SYNE1: variants seen among roughly 807,000 people sequenced by gnomAD.
SYNE1 encodes spectrin repeat containing nuclear envelope protein 1.
Under a neutral mutation model 1,111.0 loss-of-function variants are expected in SYNE1, and 616 were observed. That is an observed-to-expected ratio of 0.55 (90% confidence interval 0.52 to 0.59). The LOEUF is 0.59. Ranked by LOEUF, SYNE1 falls within the 20% of genes least tolerant of loss-of-function variation. SYNE1 has a pLI of 0.00. For missense variants in SYNE1, 10,006 were observed against 10,417.0 expected (o/e 0.96, Z 1.72); for synonymous variants, 3,855 against 3,825.8 (o/e 1.01, Z -0.28).
chr6:152,249,833 G>T (rs1289060711), intron 104 of SYNE1, among the ~76,000 whole-genome samples: 2 of 151,936 alleles, frequency 1.3e-5, no homozygotes, highest in African/African-American at 2.4e-5. Flanking sequence ...GATCTTGTTA[G>T]GTATTTTGTT....
At chr6:152,303,025 T>C (rs951790409) in intron 91 of SYNE1, among the ~76,000 whole-genome samples, 5 of 151,932 alleles carry the variant, frequency 3.3e-5, no homozygotes, top group Non-Finnish European at 5.9e-5. Context: ...ATTAAAATTA[T>C]ACTTTATTGC....
intron 3 of SYNE1, among the ~76,000 whole-genome samples, chr6:152,627,244 G>A (rs2099687548): frequency 6.6e-6 from 1 of 152,152 alleles, no homozygotes. Context: ...AACTACAGGT[G>A]ATAATTATAT....
At chr6:152,345,577 AT>A (rs35360932) in intron 73 of SYNE1, among the ~76,000 whole-genome samples, 85,250 of 149,964 alleles carry the variant, frequency 0.57, 24,484 homozygotes, top group East Asian at 0.64. Context: ...TTGAAGGTGA[AT>A]TTTTTTTTTT....
chr6:152,381,871 G>A (rs887476646), intron 55 of SYNE1, among the ~76,000 whole-genome samples: 1 of 152,108 alleles, frequency 6.6e-6, no homozygotes, highest in African/African-American at 2.4e-5. Flanking sequence ...AGCCCTACTC[G>A]ATTCCAAATA....
At chr6:152,179,576 A>G (rs1016186410) in intron 129 of SYNE1, 1 of 151,184 alleles carries the variant, frequency 6.6e-6, no homozygotes, top group African/African-American at 2.4e-5. Flanking sequence ...ACTGAACTGA[A>G]TAGTAGATGC....
chr6:152,559,186 C>G (rs4470858), intron 3 of SYNE1, among the ~76,000 whole-genome samples: 21,258 of 140,454 alleles, frequency 0.15, 1,957 homozygotes, highest in Admixed American at 0.24. Context: ...CCTAGAACTC[C>G]TGGGCTCAAG....
intron 117 of SYNE1, among the ~76,000 whole-genome samples, chr6:152,222,187 C>T (rs2080338665): frequency 2.6e-5 from 4 of 152,174 alleles, no homozygotes; most frequent in Admixed American, 2.6e-4. Context: ...GATAAAAACT[C>T]CTTCTCTCCT....
chr6:152,457,447 C>T (rs944915185), intron 22 of SYNE1, among the ~76,000 whole-genome samples: 11 of 152,154 alleles, frequency 7.2e-5, no homozygotes, highest in African/African-American at 2.7e-4. Context: ...ACCTTTTGTA[C>T]ATTAGTGTCT....
chr6:152,220,811 G>A (rs373697351), intron 119 of SYNE1, 31 bp downstream of exon 119: 2 of 1,601,610 alleles, frequency 1.2e-6, no homozygotes, highest in African/African-American at 2.7e-5. Context: ...AGAAGGGCAT[G>A]TGGGGAAAAC....
intron 3 of SYNE1, among the ~76,000 whole-genome samples, chr6:152,572,904 A>G (rs1470925263): frequency 6.6e-6 from 1 of 152,192 alleles, no homozygotes; most frequent in African/African-American, 2.4e-5. Flanking sequence ...ATCAGCCACA[A>G]ATTCTGAAAG....
Position 152,326,028 on chromosome 6 carries a change from T to C in SYNE1, c.15368A>G (p.Lys5123Arg), listed in dbSNP as rs2153952840. The change falls in exon 80 of 146, where the codon AAA (lysine) becomes AGA (arginine). Residue 5123 changes from lysine to arginine, a missense_variant. Physicochemically the swap from Lys to Arg is conservative, Grantham distance 26. Coordinates refer to ENST00000367255, the MANE Select transcript of SYNE1 (RefSeq NM_182961.4). The stretch of plus-strand genomic sequence containing the variant: ...CTTCAACAAAGAAAACTCAGACAAT[T>C]TCTTTTCTGTATCATTCATCAATTC... ...VIELMNDTEKKLSEFSLLKTS... is the reference protein window; with the variant it reads ...VIELMNDTEKRLSEFSLLKTS... 1 of 1,614,172 alleles carries C rather than the reference T, an allele frequency of 6.2e-7. No individual in the cohort carries two copies. The highest frequency in any genetic ancestry group is 8.5e-7 in the Non-Finnish European group (1 of 1,180,022).
Position 152,407,733 on chromosome 6 carries a change from T to C in SYNE1, c.6541-537A>G, listed in dbSNP as rs117847494. 3.0e-3 allele frequency among the ~76,000 whole-genome samples: 453 copies of C among 149,692 alleles called. 1 individual carries two copies. The highest frequency in any genetic ancestry group is 4.8e-3 in the Non-Finnish European group (321 of 67,524). On this transcript the variant is annotated intron_variant, in intron 44 of 145. Transcript: ENST00000367255. ...CCAAAAGCTATAAATAAAACAAAAATAGCATGTTAAAAAAAATAAAAGAAT... is the reference window on the plus strand; with the variant it reads ...CCAAAAGCTATAAATAAAACAAAAACAGCATGTTAAAAAAAATAAAAGAAT...
chr6:152,548,878 GA>G (rs2128114122), intron 3 of SYNE1, among the ~76,000 whole-genome samples: 1 of 152,266 alleles, frequency 6.6e-6, no homozygotes, highest in East Asian at 1.9e-4. Flanking sequence ...TAATGCAGCA[GA>G]AATTACTTTA....
intron 145 of SYNE1, chr6:152,127,194 C>T (rs1351915640): frequency 6.6e-6 from 1 of 152,054 alleles, no homozygotes; most frequent in Non-Finnish European, 1.5e-5. Flanking sequence ...AGGCTTCTAC[C>T]CATCAATGGC....
intron 66 of SYNE1, among the ~76,000 whole-genome samples, chr6:152,356,859 A>G (rs2096848211): frequency 6.6e-6 from 1 of 152,136 alleles, no homozygotes; most frequent in Non-Finnish European, 1.5e-5. Context: ...TAAGTGAAAT[A>G]TTTTCTTTTG....
At chr6:152,273,903 A>G (rs1246110091) in intron 98 of SYNE1, among the ~76,000 whole-genome samples, 1 of 152,086 alleles carries the variant, frequency 6.6e-6, no homozygotes, top group Admixed American at 6.5e-5. Flanking sequence ...TGTGCTTGTG[A>G]GTGAGGATCA....
chr6:152,624,543 A>G (rs766619757), intron 3 of SYNE1, among the ~76,000 whole-genome samples: 17 of 152,216 alleles, frequency 1.1e-4, no homozygotes, highest in Non-Finnish European at 2.2e-4. Flanking sequence ...GGTCTTGAAT[A>G]GCAGAAAATG....
At chr6:152,316,677 T>G in intron 87 of SYNE1, 172 bp downstream of exon 87, 1 of 681,536 alleles carries the variant, frequency 1.5e-6, no homozygotes, top group Non-Finnish European at 2.5e-6. Flanking sequence ...TGAAATTTCA[T>G]GAGAAGCTCC....
intron 101 of SYNE1, 74 bp downstream of exon 101, chr6:152,261,958 G>T (rs2092056029): frequency 1.2e-5 from 15 of 1,245,294 alleles, no homozygotes; most frequent in South Asian, 1.7e-5. Context: ...TAAGTTGATT[G>T]CACAGTTATA....
Sources: allele counts gnomAD v4.1 joint callset (sites outside exome capture counted in the v4.1 genomes callset), GRCh38; gene constraint gnomAD v4.1.1; transcripts MANE v1.5; gene names NCBI Gene and HGNC (gene_info 2026-07-23, HGNC 2026-07-21).